The following ARHGAP35 variants were observed in gnomAD, a reference collection of about 807,000 sequenced individuals.
ARHGAP35 encodes the protein Rho GTPase activating protein 35, also known as rho GTPase-activating protein 35.
ARHGAP35 carries 15 observed loss-of-function variants against 111.1 expected under a neutral mutation model. The observed-to-expected ratio is 0.13, with a 90% CI of 0.09 to 0.21. The LOEUF (loss-of-function observed/expected upper bound fraction) is 0.21, where lower values mean the gene tolerates loss of function less well. Ranked by LOEUF, ARHGAP35 falls within the 10% of genes least tolerant of loss-of-function variation. ARHGAP35 has a pLI of 1.00. For synonymous variants in ARHGAP35, 643 were observed against 710.3 expected (o/e 0.91, Z 1.51); for missense variants, 1,262 against 1,873.0 (o/e 0.67, Z 6.02).
chr19:46,966,153 G>T (rs1432693155), intron 3 of ARHGAP35, among the ~76,000 whole-genome samples: 1 of 151,946 alleles, frequency 6.6e-6, no homozygotes, highest in East Asian at 1.9e-4. Flanking sequence ...GATATTTTTG[G>T]TATTTTTTTC....
chr19:46,958,397 A>AG (rs1315334609), intron 3 of ARHGAP35, among the ~76,000 whole-genome samples: 1 of 152,110 alleles, frequency 6.6e-6, no homozygotes, highest in East Asian at 1.9e-4. Context: ...AAAAAAAAAA[A>AG]AAAAGTGTAT....
chr19:46,900,227 T>TTG (rs2056077803), intron 1 of ARHGAP35, among the ~76,000 whole-genome samples: 1 of 149,072 alleles, frequency 6.7e-6, no homozygotes, highest in Non-Finnish European at 1.5e-5. Flanking sequence ...TTTGGGTTTT[T>TTG]TTTTTTTTTT....
In ARHGAP35 at chr19:46,922,780, C is replaced by G. The variant is rs576538553; in HGVS notation, c.3681+424C>G. On this transcript the variant is annotated intron_variant, in intron 2 of 6. Coordinates refer to ENST00000672722, the MANE Select transcript of ARHGAP35 (RefSeq NM_004491.5). The surrounding 1 kb of genome is among the most constrained non-coding windows in gnomAD (Gnocchi z 4.0). Reference sequence around the variant, plus strand: ...AAATGATCCTTCCTCCCTTGCTGATCTGTAAAGGTTGCTGCATTTGAGATT... The same window carrying G: ...AAATGATCCTTCCTCCCTTGCTGATGTGTAAAGGTTGCTGCATTTGAGATT... 8.0e-4 allele frequency among the ~76,000 whole-genome samples: 122 copies of G among 152,278 alleles called. No individual in the cohort carries two copies. Among genetic ancestry groups the G allele is most frequent in the Admixed American group, 3.1e-3 (47 of 15,298 alleles).
Position 47,001,041 on chromosome 19 carries a change from G to A in ARHGAP35, c.*353G>A, listed in dbSNP as rs2056745757. ...GTACAGAGCCCATGGTCGGGACAGTGCCCTGGCCTTTGCCGGGGAGGAGGA... is the reference window on the plus strand; with the variant it reads ...GTACAGAGCCCATGGTCGGGACAGTACCCTGGCCTTTGCCGGGGAGGAGGA... On this transcript the variant is annotated 3_prime_UTR_variant, in exon 7 of 7. Transcript: ENST00000672722. This position sits in a 1 kb window ranked among gnomAD's most constrained non-coding sequence, Gnocchi z 5.4. 1 of 1,389,846 alleles carries A rather than the reference G, an allele frequency of 7.2e-7. No individual in the cohort carries two copies. The highest frequency in any genetic ancestry group is 1.3e-5 in the South Asian group (1 of 79,674). The allele number at this position is 1,389,846 out of a possible 1,614,324, so 86.1% of individuals were successfully genotyped here.
intron 1 of ARHGAP35, among the ~76,000 whole-genome samples, chr19:46,906,652 G>A (rs11879592): frequency 2.4e-3 from 372 of 152,276 alleles, no homozygotes; most frequent in African/African-American, 8.5e-3. Context: ...GGTTCCATTC[G>A]TTCTGTTTCT....
At chr19:46,941,337 C>T (rs1472652603) in intron 3 of ARHGAP35, among the ~76,000 whole-genome samples, 2 of 152,048 alleles carry the variant, frequency 1.3e-5, no homozygotes, top group East Asian at 3.9e-4. Context: ...AGCCAAATTT[C>T]ACCTTCCTGA....
chr19:46,974,916 G>T (rs1294867502), intron 3 of ARHGAP35, among the ~76,000 whole-genome samples: 1 of 152,130 alleles, frequency 6.6e-6, no homozygotes, highest in Non-Finnish European at 1.5e-5. Flanking sequence ...CTGTTGCCTG[G>T]GCTGAGTGCA....
intron 1 of ARHGAP35, among the ~76,000 whole-genome samples, chr19:46,878,323 T>C (rs934212672): frequency 4.0e-5 from 6 of 151,748 alleles, no homozygotes; most frequent in South Asian, 2.1e-4. Flanking sequence ...GCGCTTGGCC[T>C]AATTTTTATT....
At chr19:46,864,324 C>T (rs1314305302) in intron 1 of ARHGAP35, among the ~76,000 whole-genome samples, 3 of 152,124 alleles carry the variant, frequency 2.0e-5, no homozygotes, top group African/African-American at 7.2e-5. Context: ...ATTTTCCTTC[C>T]TTAACTTGGG....
rs16980767 is a variant in ARHGAP35, at chr19:46,922,450, TA to T, written c.3681+104del. Reference sequence around the variant, plus strand: ...ATTTTTCAAGGACAACCTATTCTGGTAAAAAAAAAACTGCCCTGTGTGTGTA... The same window carrying T: ...ATTTTTCAAGGACAACCTATTCTGGTAAAAAAAAACTGCCCTGTGTGTGTA... On this transcript the variant is annotated intron_variant, in intron 2 of 6. Coordinates refer to ENST00000672722, the MANE Select transcript of ARHGAP35 (RefSeq NM_004491.5). This position sits in a 1 kb window ranked among gnomAD's most constrained non-coding sequence, Gnocchi z 4.0. 0.016 allele frequency: 17,680 copies of T among 1,109,184 alleles called. 149 individuals carry two copies. The highest frequency in any genetic ancestry group is 0.036 in the South Asian group (1,727 of 47,608). The allele number at this position is 1,109,184 out of a possible 1,614,324, so 68.7% of individuals were successfully genotyped here.
chr19:46,884,211 G>A (rs374550114), intron 1 of ARHGAP35, among the ~76,000 whole-genome samples: 18 of 152,130 alleles, frequency 1.2e-4, no homozygotes, highest in East Asian at 3.9e-4. Context: ...TTTTGGAAGC[G>A]AAGGCAGGAG....
intron 3 of ARHGAP35, among the ~76,000 whole-genome samples, chr19:46,972,813 A>G (rs1179771316): frequency 6.6e-6 from 1 of 152,192 alleles, no homozygotes; most frequent in East Asian, 1.9e-4. Context: ...TGGGATTCAG[A>G]AGGATGAAGA....
chr19:46,879,800 A>T (rs930289694), intron 1 of ARHGAP35, among the ~76,000 whole-genome samples: 1 of 148,928 alleles, frequency 6.7e-6, no homozygotes, highest in African/African-American at 2.5e-5. Context: ...AAAAAAAAAA[A>T]AATCGCTGGG....
At chr19:46,952,536 GAAAC>G (rs2056418323) in intron 3 of ARHGAP35, among the ~76,000 whole-genome samples, 1 of 152,160 alleles carries the variant, frequency 6.6e-6, no homozygotes, top group African/African-American at 2.4e-5. Context: ...TATCTAAAAC[GAAAC>G]AAACAAAAAT....
chr19:46,912,722 T>A (rs67976861), intron 1 of ARHGAP35, among the ~76,000 whole-genome samples: 9,114 of 152,064 alleles, frequency 0.06, 401 homozygotes, highest in East Asian at 0.17. Context: ...TATTAATACA[T>A]TCCTCTGGAA....
chr19:46,927,615 G>A (rs1165754990), intron 2 of ARHGAP35, among the ~76,000 whole-genome samples: 2 of 152,174 alleles, frequency 1.3e-5, no homozygotes, highest in African/African-American at 2.4e-5. Flanking sequence ...CACGTGAAGG[G>A]TTTTGTGTTT....
intron 1 of ARHGAP35, among the ~76,000 whole-genome samples, chr19:46,912,045 CTT>C (rs952290963): frequency 7.9e-5 from 11 of 139,888 alleles, no homozygotes; most frequent in Admixed American, 2.2e-4. Context: ...CCCTTCTTTT[CTT>C]TTTTTTTTTT....
chr19:46,958,537 G>A lies in ARHGAP35; in HGVS notation c.3826+21129G>A, dbSNP rs574121579. On this transcript the variant is annotated intron_variant, in intron 3 of 6. Coordinates refer to ENST00000672722, the MANE Select transcript of ARHGAP35 (RefSeq NM_004491.5). ...CAGGAGTTTTCCTTAAATATTTTATGTGTGGATGACACTGCGAGGCTTTTT... is the reference window on the plus strand; with the variant it reads ...CAGGAGTTTTCCTTAAATATTTTATATGTGGATGACACTGCGAGGCTTTTT... 1.5e-4 allele frequency among the ~76,000 whole-genome samples: 23 copies of A among 152,320 alleles called. 1 individual carries two copies. Among genetic ancestry groups the A allele is most frequent in the South Asian group, 1.4e-3 (7 of 4,828 alleles).
chr19:46,977,499 C>T (rs1477623416), intron 3 of ARHGAP35, among the ~76,000 whole-genome samples: 1 of 152,190 alleles, frequency 6.6e-6, no homozygotes, highest in African/African-American at 2.4e-5. Flanking sequence ...CACTTTTCTT[C>T]CTCCTTCCCT....
Sources: allele counts gnomAD v4.1 joint callset (sites outside exome capture counted in the v4.1 genomes callset), GRCh38; gene constraint gnomAD v4.1.1; non-coding constraint Gnocchi (gnomAD v3.1); transcripts MANE v1.5; gene names NCBI Gene and HGNC (gene_info 2026-07-23, HGNC 2026-07-21).